Variants in PARD3B observed in about 807,000 individuals in gnomAD.
The protein encoded by PARD3B is par-3 family cell polarity regulator beta, also known as partitioning defective 3 homolog B.
In PARD3B, 103 loss-of-function variants were observed where a neutral mutation model predicts 130.2. The ratio of observed to expected loss-of-function variants is 0.79; its 90% CI spans 0.67 to 0.93. The LOEUF is 0.93. PARD3B is among the 40% of genes least tolerant of loss of function. The pLI is 0.00. For synonymous variants in PARD3B, 583 were observed against 553.2 expected, an observed-to-expected ratio of 1.05 and a Z score of -0.76; for missense variants, 1,609 against 1,499.2, an observed-to-expected ratio of 1.07 and a Z score of -1.21.
chr2:205,060,621 T>A (rs1157207658), intron 4 of PARD3B, among the ~76,000 whole-genome samples: 3 of 152,112 alleles, frequency 2.0e-5, no homozygotes, highest in Non-Finnish European at 4.4e-5. Context: ...ATGCCTTCTA[T>A]CTTGAGTACA....
At chr2:205,014,713 G>A (rs569575757) in intron 3 of PARD3B, among the ~76,000 whole-genome samples, 7 of 152,310 alleles carry the variant, frequency 4.6e-5, no homozygotes, top group Admixed American at 4.6e-4. Flanking sequence ...CTCTGGTGCA[G>A]CTTGTAGTCT....
intron 11 of PARD3B, among the ~76,000 whole-genome samples, chr2:205,161,727 TC>T (rs564373697): frequency 1.1e-4 from 17 of 152,302 alleles, no homozygotes; most frequent in African/African-American, 4.1e-4. Flanking sequence ...CATCTTTGTC[TC>T]AGCATTTGGC....
At chr2:205,479,013 A>G (rs1472639152) in intron 20 of PARD3B, among the ~76,000 whole-genome samples, 1 of 152,212 alleles carries the variant, frequency 6.6e-6, no homozygotes, top group Non-Finnish European at 1.5e-5. Flanking sequence ...ACATGTTACA[A>G]TGGAAAGAAT....
At chr2:204,703,053 A>G (rs1317446161) in intron 2 of PARD3B, among the ~76,000 whole-genome samples, 2 of 152,208 alleles carry the variant, frequency 1.3e-5, no homozygotes, top group African/African-American at 4.8e-5. Flanking sequence ...AACATTGCTT[A>G]TATTATCTCA....
intron 22 of PARD3B, among the ~76,000 whole-genome samples, chr2:205,607,831 T>C (rs867718554): frequency 3.4e-3 from 399 of 116,118 alleles, no homozygotes; most frequent in Middle Eastern, 8.7e-3. Context: ...CCAACACCCA[T>C]ACACACACAC....
At chr2:204,712,016 C>CTA (rs2038463645) in intron 2 of PARD3B, among the ~76,000 whole-genome samples, 1 of 151,926 alleles carries the variant, frequency 6.6e-6, no homozygotes, top group Non-Finnish European at 1.5e-5. Context: ...GACCAAATCT[C>CTA]TAAACTTTTG....
chr2:205,032,070 G>C (rs2125363685), intron 3 of PARD3B, among the ~76,000 whole-genome samples: 1 of 152,250 alleles, frequency 6.6e-6, no homozygotes, highest in South Asian at 2.1e-4. Context: ...AGAAGAGTTT[G>C]ATTCTCTTTT....
Position 205,187,278 on chromosome 2 carries a change from G to A in PARD3B, c.2024+1415G>A, listed in dbSNP as rs139022084. Among the ~76,000 whole-genome samples the A allele has an allele frequency of 3.3e-4, 51 of 152,278 alleles. 1 individual carries two copies. The highest frequency in any genetic ancestry group is 1.0e-3 in the African/African-American group (42 of 41,562). On this transcript the variant is annotated intron_variant, in intron 14 of 22. Coordinates refer to ENST00000406610, the MANE Select transcript of PARD3B (RefSeq NM_001302769.2). The surrounding 1 kb of genome is among the most constrained non-coding windows in gnomAD (Gnocchi z 4.9). ...GCAGCAGAAGAAACAGCATAGAGAC[G>A]GGAGAGTAAATTGAATTGTACAAGG...
At chr2:205,424,575 G>C (rs1007483519) in intron 19 of PARD3B, among the ~76,000 whole-genome samples, 2 of 152,146 alleles carry the variant, frequency 1.3e-5, no homozygotes, top group Admixed American at 6.5e-5. Flanking sequence ...ACTTGTCCAG[G>C]AGTGCACCAG....
chr2:205,390,162 CA>C lies in PARD3B; in HGVS notation c.2631-10840del, dbSNP rs1048157935. ...TTGTATTTATACAATAAATGCTTGA[CA>C]AAAAAAAAAAGCTACATAATTTAAG... On this transcript the variant is annotated intron_variant, in intron 18 of 22. Transcript: ENST00000406610. Among the ~76,000 whole-genome samples the C allele has an allele frequency of 6.7e-3, 738 of 110,618 alleles. 5 individuals carry two copies. Among genetic ancestry groups the C allele is most frequent in the African/African-American group, 0.02 (586 of 29,694 alleles). The allele number at this position is 110,618 out of a possible 152,430, so 72.6% of individuals were successfully genotyped here. A position where few individuals can be genotyped will look rare whatever the true frequency, so the allele number is the denominator to read the frequency against.
At chr2:204,581,221 A>G (rs1413220747) in intron 1 of PARD3B, among the ~76,000 whole-genome samples, 1 of 152,220 alleles carries the variant, frequency 6.6e-6, no homozygotes, top group African/African-American at 2.4e-5. Context: ...CACTGCAGTT[A>G]TAAGACTGTA....
chr2:205,303,852 T>C (rs1367066209), intron 18 of PARD3B, among the ~76,000 whole-genome samples: 2 of 152,152 alleles, frequency 1.3e-5, no homozygotes, highest in African/African-American at 4.8e-5. Context: ...CCCTCACTTA[T>C]TTTGTTGGGT....
At chr2:204,674,507 T>C (rs2125216324) in intron 1 of PARD3B, among the ~76,000 whole-genome samples, 1 of 131,464 alleles carries the variant, frequency 7.6e-6, no homozygotes, top group East Asian at 2.6e-4. Context: ...GAAAAGAAGT[T>C]TTATAAACAG....
chr2:205,081,363 A>AT (rs1005657633), intron 4 of PARD3B, among the ~76,000 whole-genome samples: 1 of 151,940 alleles, frequency 6.6e-6, no homozygotes, highest in Non-Finnish European at 1.5e-5. Context: ...AGCACCATTT[A>AT]TTTTTTATGG....
intron 3 of PARD3B, among the ~76,000 whole-genome samples, chr2:205,012,091 C>G (rs541618278): frequency 6.6e-6 from 1 of 152,262 alleles, no homozygotes; most frequent in East Asian, 1.9e-4. Context: ...TGGTTGGCCT[C>G]CCTACCTCTG....
At chr2:205,331,147 C>A (rs963276123) in intron 18 of PARD3B, among the ~76,000 whole-genome samples, 2 of 152,002 alleles carry the variant, frequency 1.3e-5, no homozygotes, top group African/African-American at 4.8e-5. Flanking sequence ...AAAGACAGGG[C>A]AAACACAAGT....
chr2:204,871,952 A>G (rs1032247634), intron 2 of PARD3B, among the ~76,000 whole-genome samples: 4 of 152,120 alleles, frequency 2.6e-5, no homozygotes, highest in Non-Finnish European at 5.9e-5. Context: ...CACAGTCATT[A>G]AAATGGACAG....
intron 1 of PARD3B, among the ~76,000 whole-genome samples, chr2:204,594,565 A>G (rs186207355): frequency 6.6e-6 from 1 of 152,198 alleles, no homozygotes; most frequent in East Asian, 1.9e-4. Flanking sequence ...TATCCATGCC[A>G]TGAAACTCCA....
At chr2:204,773,588 T>C (rs2041484222) in intron 2 of PARD3B, among the ~76,000 whole-genome samples, 1 of 152,152 alleles carries the variant, frequency 6.6e-6, no homozygotes, top group African/African-American at 2.4e-5. Context: ...AATTTTTCTA[T>C]TATTTATCCT....
Sources: gnomAD v4.1 joint callset for allele counts (sites outside exome capture counted in the v4.1 genomes callset) on GRCh38, gnomAD v4.1.1 for gene constraint, Gnocchi (gnomAD v3.1) non-coding constraint, MANE v1.5 for transcripts, NCBI Gene and HGNC (gene_info 2026-07-23, HGNC 2026-07-21) for gene names.